The following PYROXD2 variants were observed in gnomAD, a reference collection of about 807,000 sequenced individuals.
PYROXD2 encodes the protein pyridine nucleotide-disulfide oxidoreductase domain-containing protein 2.
A neutral mutation model predicts 71.1 loss-of-function variants in PYROXD2; 69 were observed. That is an observed-to-expected ratio of 0.97 (90% confidence interval 0.80 to 1.19). The LOEUF (loss-of-function observed/expected upper bound fraction) is 1.19, where lower values mean the gene tolerates loss of function less well. Ranked by LOEUF, PYROXD2 falls within the 50% of genes most tolerant of loss-of-function variation. The pLI is 0.00. For synonymous variants in PYROXD2, 287 were observed against 302.7 expected, an observed-to-expected ratio of 0.95 and a Z score of 0.54; for missense variants, 745 against 748.9, an observed-to-expected ratio of 0.99 and a Z score of 0.06.
intron 14 of PYROXD2, 72 bp downstream of exon 14, chr10:98,387,129 G>A (rs1389621554): frequency 4.4e-6 from 5 of 1,140,060 alleles, no homozygotes; most frequent in Non-Finnish European, 6.5e-6. Context: ...AGATAAAGCA[G>A]AGAGGTCATA....
chr10:98,406,919 A>G (rs1385666178), intron 4 of PYROXD2, among the ~76,000 whole-genome samples: 2 of 147,450 alleles, frequency 1.4e-5, no homozygotes, highest in African/African-American at 5.0e-5. Context: ...AAAAGATGGC[A>G]CCAACGTGAG....
At chr10:98,393,733 G>C (rs555661024) in intron 8 of PYROXD2, among the ~76,000 whole-genome samples, 84 of 152,146 alleles carry the variant, frequency 5.5e-4, no homozygotes, top group Admixed American at 2.2e-3. Context: ...TTAAAGCCCA[G>C]CTCTGCTCCT....
At position 98,403,873 on chromosome 10, in the gene PYROXD2, CAT is replaced by C. The variant is rs537005473; in HGVS notation, c.316-3618_316-3617del. On this transcript the variant is annotated intron_variant, in intron 4 of 15. Transcript: ENST00000370575. Reference sequence around the variant, plus strand: ...CAAGGGCTTCTCTCAGTGCCTGGCACATAGCAGGTGCTCAGAAACATGGACTG... The same window carrying C: ...CAAGGGCTTCTCTCAGTGCCTGGCACAGCAGGTGCTCAGAAACATGGACTG... 4.6e-5 allele frequency among the ~76,000 whole-genome samples: 7 copies of C among 152,346 alleles called. No individual in the cohort carries two copies. The South Asian group carries it at 1.0e-3, about 23-fold the overall frequency.
At chr10:98,386,463 A>G (rs1294922702) in intron 14 of PYROXD2, among the ~76,000 whole-genome samples, 1 of 152,152 alleles carries the variant, frequency 6.6e-6, no homozygotes, top group Non-Finnish European at 1.5e-5. Flanking sequence ...TAACTTATTG[A>G]TGAGATATTT....
intron 12 of PYROXD2, among the ~76,000 whole-genome samples, chr10:98,389,431 C>T (rs575224038): frequency 3.3e-4 from 51 of 152,296 alleles, no homozygotes; most frequent in African/African-American, 1.2e-3. Context: ...TTTCTGCATA[C>T]AGTGTCCAGG....
At chr10:98,403,815 T>C (rs554074384) in intron 4 of PYROXD2, among the ~76,000 whole-genome samples, 29 of 152,346 alleles carry the variant, frequency 1.9e-4, no homozygotes, top group African/African-American at 6.5e-4. Flanking sequence ...CTAAGAGCAG[T>C]GTCCTTGCCT....
intron 2 of PYROXD2, 149 bp from the exon 3 acceptor site, chr10:98,408,146 C>T: frequency 1.5e-6 from 1 of 669,758 alleles, no homozygotes; most frequent in Non-Finnish European, 2.5e-6. Flanking sequence ...CTGTTCCTGC[C>T]TCTGGGAATG....
rs1426416344 is a variant in PYROXD2, at chr10:98,415,045, G to A, written c.91C>T (p.Leu31=). The change falls in exon 1 of 16, where the codon CTG becomes TTG. Residue 31 remains leucine, a synonymous_variant. Transcript: ENST00000370575. ...ACCACCGCATCATACTCAGGCTTCA[G>A]ACCTCCCCTGGCTTCCGTGTTATCT... The part of the protein sequence containing the change: ...RRDNTEARGG[L]KPEYDAVVIG... 1.9e-6 allele frequency: 3 copies of A among 1,613,930 alleles called. No homozygotes were observed. The South Asian group carries it at 3.3e-5, about 18-fold the overall frequency.
intron 8 of PYROXD2, among the ~76,000 whole-genome samples, chr10:98,393,887 G>A (rs1019769446): frequency 2.0e-5 from 3 of 152,018 alleles, no homozygotes. Context: ...AGAACCTCTC[G>A]ATTTCCTGGG....
intron 2 of PYROXD2, among the ~76,000 whole-genome samples, chr10:98,410,198 T>C (rs1256467701): frequency 6.6e-6 from 1 of 152,226 alleles, no homozygotes; most frequent in Non-Finnish European, 1.5e-5. Flanking sequence ...AGTATTAAGG[T>C]TTAACATCAG....
At chr10:98,388,281 T>G (rs1842822471) in intron 13 of PYROXD2, 73 bp downstream of exon 13, 1 of 1,470,248 alleles carries the variant, frequency 6.8e-7, no homozygotes, top group Non-Finnish European at 9.5e-7. Context: ...AATGGGGCAG[T>G]GAGGAGGAGC....
At chr10:98,397,966 T>A (rs1227873931) in intron 5 of PYROXD2, among the ~76,000 whole-genome samples, 1 of 138,594 alleles carries the variant, frequency 7.2e-6, no homozygotes, top group African/African-American at 2.7e-5. Context: ...CACTGCAACC[T>A]CTGCCTCCCA....
chr10:98,406,442 G>A (rs1277792580), intron 4 of PYROXD2, among the ~76,000 whole-genome samples: 1 of 152,164 alleles, frequency 6.6e-6, no homozygotes, highest in Non-Finnish European at 1.5e-5. Flanking sequence ...CCCATCCCCA[G>A]GCCTGGCTAG....
chr10:98,383,917 G>A (rs758260252), intron 15 of PYROXD2, 49 bp from the exon 16 acceptor site: 19 of 1,521,020 alleles, frequency 1.2e-5, no homozygotes, highest in Middle Eastern at 1.7e-4. Context: ...AAACCTGCCA[G>A]GGTGGGGGTG....
chr10:98,391,203 A>G, intron 10 of PYROXD2, 121 bp from the exon 11 acceptor site: 1 of 713,578 alleles, frequency 1.4e-6, no homozygotes, highest in African/African-American at 1.7e-5. Context: ...CATCCTTCAA[A>G]GCTCAGCCAA....
At chr10:98,404,982 C>T (rs1342613135) in intron 4 of PYROXD2, among the ~76,000 whole-genome samples, 1 of 152,090 alleles carries the variant, frequency 6.6e-6, no homozygotes, top group Non-Finnish European at 1.5e-5. Flanking sequence ...GAGTGAGACC[C>T]AGAAGGTCAG....
intron 1 of PYROXD2, among the ~76,000 whole-genome samples, chr10:98,413,444 A>G (rs537813399): frequency 6.6e-6 from 1 of 152,334 alleles, no homozygotes; most frequent in Non-Finnish European, 1.5e-5. Flanking sequence ...GGCCGGGCGC[A>G]GTGGCTCACA....
At position 98,383,601 on chromosome 10, in the gene PYROXD2, C is replaced by A; in HGVS notation, c.*197G>T. The A allele has an allele frequency of 1.6e-6, 1 of 629,574 alleles. No homozygotes were observed. The allele number at this position is 629,574 out of a possible 1,614,324, so 39.0% of individuals were successfully genotyped here. ...AAATATTAGTTTTAATAAAACAGAA[C>A]CAGTCCATGTATGGAGGCATGGGCA... On this transcript the variant is annotated 3_prime_UTR_variant, in exon 16 of 16. Transcript: ENST00000370575.
At chr10:98,400,576 ACAC>A (rs1183145270) in intron 4 of PYROXD2, among the ~76,000 whole-genome samples, 1 of 151,838 alleles carries the variant, frequency 6.6e-6, no homozygotes, top group Non-Finnish European at 1.5e-5. Flanking sequence ...CACACCACAC[ACAC>A]CATGTCATAC....
Sources: gnomAD v4.1 joint callset for allele counts (sites outside exome capture counted in the v4.1 genomes callset) on GRCh38, gnomAD v4.1.1 for gene constraint, MANE v1.5 for transcripts, NCBI Gene and HGNC (gene_info 2026-07-23, HGNC 2026-07-21) for gene names.